The following PCDH7 variants were observed in gnomAD, a reference collection of about 807,000 sequenced individuals.
The protein encoded by PCDH7 is protocadherin 7.
PCDH7 carries 17 observed loss-of-function variants against 58.9 expected under a neutral mutation model. The ratio of observed to expected loss-of-function variants is 0.29; its 90% confidence interval spans 0.20 to 0.43. The LOEUF (loss-of-function observed/expected upper bound fraction) is 0.43, where lower values mean the gene tolerates loss of function less well. PCDH7 is among the 20% of genes least tolerant of loss of function. The pLI, the probability that PCDH7 is intolerant of heterozygous loss-of-function variation, is 1.00. For synonymous variants in PCDH7, 664 were observed against 616.4 expected (o/e 1.08, Z -1.14); for missense variants, 1,274 against 1,441.0 (o/e 0.88, Z 1.88).
At chr4:31,031,830 A>G (rs1208911188) in intron 3 of PCDH7, among the ~76,000 whole-genome samples, 3 of 152,222 alleles carry the variant, frequency 2.0e-5, no homozygotes, top group Non-Finnish European at 1.5e-5. Flanking sequence ...ACAAAGAATA[A>G]GAGATCACTT....
At chr4:31,139,850 T>C (rs371185697) in intron 3 of PCDH7, among the ~76,000 whole-genome samples, 1 of 152,356 alleles carries the variant, frequency 6.6e-6, no homozygotes, top group African/African-American at 2.4e-5. Flanking sequence ...CAATTAGGCT[T>C]GTCAACTTCC....
At chr4:30,848,188 A>G (rs1447665281) in intron 1 of PCDH7, among the ~76,000 whole-genome samples, 1 of 152,148 alleles carries the variant, frequency 6.6e-6, no homozygotes, top group Non-Finnish European at 1.5e-5. Context: ...TTTAATGAAG[A>G]TAGCATCGGC....
At chr4:30,933,242 G>A (rs1357464825) in intron 2 of PCDH7, among the ~76,000 whole-genome samples, 1 of 152,000 alleles carries the variant, frequency 6.6e-6, no homozygotes, top group Non-Finnish European at 1.5e-5. Context: ...AGCCAGGATG[G>A]TCTCGATCCC....
At chr4:30,834,671 A>C (rs953983614) in intron 1 of PCDH7, among the ~76,000 whole-genome samples, 2 of 152,148 alleles carry the variant, frequency 1.3e-5, no homozygotes, top group Non-Finnish European at 2.9e-5. Flanking sequence ...AAGTAAAAAA[A>C]AAAAAAACCT....
chr4:30,824,655 A>G (rs113875203), intron 1 of PCDH7, among the ~76,000 whole-genome samples: 28 of 152,222 alleles, frequency 1.8e-4, no homozygotes, highest in African/African-American at 6.0e-4. Flanking sequence ...GTAGGAGGAA[A>G]CAATACAGGC....
At chr4:31,142,417 A>T in intron 3 of PCDH7, 56 bp from the exon 3 acceptor site, 1 of 1,291,698 alleles carries the variant, frequency 7.7e-7, no homozygotes. Flanking sequence ...CATATAGATC[A>T]GGGGAGCCTG....
intron 1 of PCDH7, chr4:30,725,177 T>G: frequency 1.0e-6 from 1 of 999,840 alleles, no homozygotes; most frequent in South Asian, 4.7e-5. Context: ...TTTACTGATA[T>G]GCAAATGTCA....
intron 3 of PCDH7, among the ~76,000 whole-genome samples, chr4:31,119,902 C>G (rs573597476): frequency 1.3e-4 from 20 of 151,650 alleles, no homozygotes; most frequent in Non-Finnish European, 2.4e-4. Context: ...GCCCACTCGC[C>G]TAAGTCCACA....
intron 1 of PCDH7, among the ~76,000 whole-genome samples, chr4:30,791,890 A>C (rs1277141532): frequency 6.6e-6 from 1 of 152,256 alleles, no homozygotes; most frequent in African/African-American, 2.4e-5. Context: ...CTAGTAGCAT[A>C]AGAATCATGA....
intron 3 of PCDH7, among the ~76,000 whole-genome samples, chr4:31,007,392 T>C (rs1752853458): frequency 6.6e-6 from 1 of 152,120 alleles, no homozygotes; most frequent in South Asian, 2.1e-4. Flanking sequence ...GTTCCTTTCT[T>C]CCTCTATTTT....
chr4:31,054,775 C>T (rs985677997), intron 3 of PCDH7, among the ~76,000 whole-genome samples: 1 of 151,928 alleles, frequency 6.6e-6, no homozygotes, highest in Non-Finnish European at 1.5e-5. Flanking sequence ...TCTAGTATGA[C>T]CTCAGTTCTT....
At chr4:31,056,552 GAGAGAGGAAGGGAAGGGA>G (rs1166026088) in intron 3 of PCDH7, among the ~76,000 whole-genome samples, 1 of 147,404 alleles carries the variant, frequency 6.8e-6, no homozygotes, top group Non-Finnish European at 1.5e-5. Flanking sequence ...GAGGGAGAGA[GAGAGAGGAAGGGAAGGGA>G]AGAGAGGAAG....
chr4:30,752,322 C>T (rs562746396), intron 1 of PCDH7, among the ~76,000 whole-genome samples: 11 of 151,892 alleles, frequency 7.2e-5, no homozygotes, highest in Non-Finnish European at 1.2e-4. Flanking sequence ...TTAGTAGAGA[C>T]GGGGTTTCAC....
At chr4:30,767,683 G>A (rs1186069284) in intron 1 of PCDH7, among the ~76,000 whole-genome samples, 5 of 152,248 alleles carry the variant, frequency 3.3e-5, no homozygotes, top group South Asian at 4.1e-4. Context: ...GTCTCCCAGA[G>A]GTACTGAGTG....
Position 30,791,932 on chromosome 4 carries a change from TA to T in PCDH7, c.70+67341del, listed in dbSNP as rs1261956758. On this transcript the variant is annotated intron_variant, in intron 1 of 3. Transcript: ENST00000509759. The stretch of plus-strand genomic sequence containing the variant: ...AGAATTATAAATTGTCATATTATCA[TA>T]AAAAGATAACACTGATTATGATAAC... Among the ~76,000 whole-genome samples, 4 of 152,226 alleles carry T rather than the reference TA, an allele frequency of 2.6e-5. No homozygotes were observed. The East Asian group carries it at 7.7e-4, about 29-fold the overall frequency.
chr4:31,074,033 A>G (rs765211986), intron 3 of PCDH7, among the ~76,000 whole-genome samples: 2 of 151,718 alleles, frequency 1.3e-5, no homozygotes, highest in Non-Finnish European at 2.9e-5. Flanking sequence ...TCCTCTTCCT[A>G]CTATCCATGC....
chr4:30,755,737 A>G (rs1412716327), intron 1 of PCDH7, among the ~76,000 whole-genome samples: 1 of 152,162 alleles, frequency 6.6e-6, no homozygotes, highest in African/African-American at 2.4e-5. Flanking sequence ...TACAGGAAGC[A>G]TGGAACTGTT....
chr4:30,776,032 T>C (rs1722024563), intron 1 of PCDH7, among the ~76,000 whole-genome samples: 1 of 152,230 alleles, frequency 6.6e-6, no homozygotes, highest in African/African-American at 2.4e-5. Flanking sequence ...GCTATAGACA[T>C]GAACTAAGGA....
intron 1 of PCDH7, among the ~76,000 whole-genome samples, chr4:30,841,841 C>G (rs1299535951): frequency 6.6e-6 from 1 of 152,128 alleles, no homozygotes; most frequent in Non-Finnish European, 1.5e-5. Flanking sequence ...GGGGATGTTA[C>G]CACCCTAAAA....
Sources: allele counts gnomAD v4.1 joint callset (sites outside exome capture counted in the v4.1 genomes callset), GRCh38; gene constraint gnomAD v4.1.1; transcripts MANE v1.5; gene names NCBI Gene and HGNC (gene_info 2026-07-23, HGNC 2026-07-21).